Variants in CDH13 observed in about 807,000 individuals in gnomAD.
CDH13 encodes cadherin-13.
A neutral mutation model predicts 63.8 loss-of-function variants in CDH13; 24 were observed. The observed-to-expected ratio is 0.38, with a 90% CI of 0.27 to 0.53. CDH13 has a LOEUF of 0.53. CDH13 is among the 20% of genes least tolerant of loss of function. CDH13 has a pLI of 0.85. For synonymous variants in CDH13, 503 were observed against 355.3 expected (o/e 1.42, Z -4.67); for missense variants, 1,049 against 903.1 (o/e 1.16, Z -2.07).
At chr16:83,016,429 A>G (rs1260628307) in intron 2 of CDH13, among the ~76,000 whole-genome samples, 2 of 152,202 alleles carry the variant, frequency 1.3e-5, no homozygotes, top group Non-Finnish European at 2.9e-5. Flanking sequence ...TTCTAGGGCT[A>G]GCACCAAGCC....
intron 5 of CDH13, among the ~76,000 whole-genome samples, chr16:83,218,436 C>G: frequency 6.6e-6 from 1 of 151,616 alleles, no homozygotes; most frequent in South Asian, 2.1e-4. Flanking sequence ...AGAACTGAAA[C>G]GTGAGCCATG....
chr16:82,679,011 G>C (rs140588187), intron 1 of CDH13, among the ~76,000 whole-genome samples: 2 of 152,210 alleles, frequency 1.3e-5, no homozygotes, highest in South Asian at 2.1e-4. Context: ...GTTGATCACC[G>C]CTGTGGGCAG....
At chr16:83,663,566 C>A (rs1913645159) in intron 8 of CDH13, among the ~76,000 whole-genome samples, 1 of 152,136 alleles carries the variant, frequency 6.6e-6, no homozygotes, top group African/African-American at 2.4e-5. Context: ...TTAGTGTCTA[C>A]TTACAGTGCT....
intron 6 of CDH13, among the ~76,000 whole-genome samples, chr16:83,460,991 A>ACATG (rs1555552615): frequency 6.3e-5 from 7 of 111,482 alleles, no homozygotes; most frequent in East Asian, 7.1e-4. Context: ...AAACACACAC[A>ACATG]CACGCACACA....
chr16:83,492,208 T>TA (rs33992015), intron 7 of CDH13, among the ~76,000 whole-genome samples: 2,099 of 151,972 alleles, frequency 0.014, 38 homozygotes, highest in African/African-American at 0.044. Flanking sequence ...AGAACAATGG[T>TA]AAAAAAGGAT....
intron 1 of CDH13, among the ~76,000 whole-genome samples, chr16:82,761,017 C>CTTTCTTTT (rs2034820362): frequency 2.5e-5 from 1 of 40,452 alleles, no homozygotes; most frequent in Non-Finnish European, 4.6e-5. Flanking sequence ...TTCTTTCTTT[C>CTTTCTTTT]TTTTTTTTTT....
intron 6 of CDH13, among the ~76,000 whole-genome samples, chr16:83,437,306 A>G (rs953519504): frequency 1.3e-5 from 2 of 152,218 alleles, no homozygotes; most frequent in African/African-American, 4.8e-5. Flanking sequence ...TATTATAAAT[A>G]TGAAATGAAT....
intron 10 of CDH13, among the ~76,000 whole-genome samples, chr16:83,710,825 G>C (rs1399181888): frequency 6.6e-6 from 1 of 152,204 alleles, no homozygotes; most frequent in African/African-American, 2.4e-5. Flanking sequence ...ACGGGAGAGG[G>C]CTGCAACTCG....
intron 2 of CDH13, among the ~76,000 whole-genome samples, chr16:82,989,567 C>A (rs539151555): frequency 6.6e-6 from 1 of 152,206 alleles, no homozygotes; most frequent in Non-Finnish European, 1.5e-5. Flanking sequence ...CTCTCTGGCA[C>A]CTTCTCTAGG....
intron 6 of CDH13, among the ~76,000 whole-genome samples, chr16:83,463,897 G>A (rs762988369): frequency 2.6e-5 from 4 of 152,168 alleles, no homozygotes; most frequent in Non-Finnish European, 5.9e-5. Flanking sequence ...AACAGGGGAA[G>A]ACAGTGCAGT....
intron 1 of CDH13, among the ~76,000 whole-genome samples, chr16:82,640,116 T>G (rs1909206212): frequency 6.6e-6 from 1 of 152,154 alleles, no homozygotes; most frequent in Non-Finnish European, 1.5e-5. Context: ...AATATGGTAG[T>G]TTTGCGTAGT....
intron 1 of CDH13, among the ~76,000 whole-genome samples, chr16:82,840,650 A>C (rs1390325325): frequency 6.8e-6 from 1 of 147,794 alleles, no homozygotes; most frequent in Non-Finnish European, 1.5e-5. Flanking sequence ...ACCCCACTGC[A>C]CTGCAGCCTG....
chr16:82,772,520 C>T (rs934703782), intron 1 of CDH13, among the ~76,000 whole-genome samples: 1 of 152,156 alleles, frequency 6.6e-6, no homozygotes, highest in African/African-American at 2.4e-5. Context: ...GTCTCTCAAC[C>T]TGAGGTGGCC....
At chr16:83,669,831 T>G (rs896276713) in intron 8 of CDH13, among the ~76,000 whole-genome samples, 2 of 152,200 alleles carry the variant, frequency 1.3e-5, no homozygotes, top group African/African-American at 4.8e-5. Flanking sequence ...TATTTCTTCT[T>G]TTTGTCAGCT....
intron 6 of CDH13, among the ~76,000 whole-genome samples, chr16:83,445,510 A>G (rs1229360924): frequency 1.3e-5 from 2 of 152,172 alleles, no homozygotes; most frequent in African/African-American, 2.4e-5. Flanking sequence ...GGAGGAAGCC[A>G]AGATTCTGGA....
At chr16:83,289,858 A>G (rs1233595428) in intron 5 of CDH13, among the ~76,000 whole-genome samples, 2 of 152,200 alleles carry the variant, frequency 1.3e-5, no homozygotes, top group Non-Finnish European at 2.9e-5. Flanking sequence ...CATTAAAACA[A>G]TTTCTTTGTG....
chr16:83,092,851 C>T (rs1239533566), intron 3 of CDH13, among the ~76,000 whole-genome samples: 2 of 152,172 alleles, frequency 1.3e-5, no homozygotes, highest in Non-Finnish European at 2.9e-5. Flanking sequence ...TATAACATTG[C>T]TCAGTAACTA....
intron 1 of CDH13, among the ~76,000 whole-genome samples, chr16:82,642,621 G>A (rs1012728810): frequency 6.6e-6 from 1 of 152,144 alleles, no homozygotes; most frequent in African/African-American, 2.4e-5. Flanking sequence ...CGTAAGGCAA[G>A]ACCTGTTTTC....
At chr16:83,278,657 A>G (rs2089067689) in intron 5 of CDH13, among the ~76,000 whole-genome samples, 1 of 152,166 alleles carries the variant, frequency 6.6e-6, no homozygotes, top group African/African-American at 2.4e-5. Context: ...GATCCTGGCA[A>G]TGCCGGTTGA....
Sources: allele counts gnomAD v4.1 joint callset (sites outside exome capture counted in the v4.1 genomes callset), GRCh38; gene constraint gnomAD v4.1.1; transcripts MANE v1.5; gene names NCBI Gene and HGNC (gene_info 2026-07-23, HGNC 2026-07-21).